The following PIGL variants were observed in gnomAD, a reference collection of about 807,000 sequenced individuals.
The protein encoded by PIGL is N-acetylglucosaminyl-phosphatidylinositol de-N-acetylase.
A neutral mutation model predicts 31.1 loss-of-function variants in PIGL; 22 were observed. The observed-to-expected ratio is 0.71, with a 90% CI of 0.51 to 1.01. PIGL has a LOEUF of 1.01. Among genes scored for constraint, PIGL ranks in the 50% least tolerant of loss-of-function variants. PIGL has a pLI of 0.00. For missense variants in PIGL, 302 were observed against 315.9 expected, an observed-to-expected ratio of 0.96 and a Z score of 0.33; for synonymous variants, 131 against 117.4, an observed-to-expected ratio of 1.12 and a Z score of -0.75.
intron 6 of PIGL, among the ~76,000 whole-genome samples, chr17:16,325,332 C>CAAAAAAAAAAA (rs55958956): frequency 2.9e-5 from 2 of 69,278 alleles, no homozygotes; most frequent in African/African-American, 5.8e-5. Flanking sequence ...GCAACAGGCT[C>CAAAAAAAAAAA]AAAAAAAAAA....
At chr17:16,233,758 AGAATTGT>A (rs1785951894) in intron 1 of PIGL, among the ~76,000 whole-genome samples, 2 of 152,290 alleles carry the variant, frequency 1.3e-5, no homozygotes, top group Non-Finnish European at 2.9e-5. Context: ...AAGATGGGAA[AGAATTGT>A]GAATGGTGAT....
chr17:16,259,926 G>A (rs1032264346), intron 2 of PIGL, among the ~76,000 whole-genome samples: 2 of 152,232 alleles, frequency 1.3e-5, no homozygotes, highest in African/African-American at 4.8e-5. Context: ...GCTCAAAAAT[G>A]CCTGCTCCCA....
At chr17:16,291,206 A>G (rs1272931619) in intron 2 of PIGL, among the ~76,000 whole-genome samples, 2 of 152,210 alleles carry the variant, frequency 1.3e-5, no homozygotes, top group Non-Finnish European at 2.9e-5. Flanking sequence ...TCCAACTGTG[A>G]AAAGAAGTAA....
chr17:16,295,354 G>A (rs2092976874), intron 2 of PIGL, among the ~76,000 whole-genome samples: 1 of 148,048 alleles, frequency 6.8e-6, no homozygotes, highest in Non-Finnish European at 1.5e-5. Context: ...AGTGAGCTGA[G>A]ATCATGCCAC....
chr17:16,274,357 G>T (rs1232727062), intron 2 of PIGL, among the ~76,000 whole-genome samples: 1 of 152,166 alleles, frequency 6.6e-6, no homozygotes, highest in Non-Finnish European at 1.5e-5. Context: ...AGAAAACATT[G>T]CTGTAGAACA....
At chr17:16,264,460 CTT>C (rs1224387749) in intron 2 of PIGL, among the ~76,000 whole-genome samples, 6 of 151,962 alleles carry the variant, frequency 3.9e-5, no homozygotes, top group African/African-American at 7.2e-5. Flanking sequence ...TAAATTGACT[CTT>C]AATACCAGAA....
chr17:16,315,939 G>C (rs893207770), intron 4 of PIGL, among the ~76,000 whole-genome samples: 1 of 151,652 alleles, frequency 6.6e-6, no homozygotes, highest in East Asian at 1.9e-4. Flanking sequence ...CTCGTGATCC[G>C]CTTGCCTCGG....
intron 2 of PIGL, among the ~76,000 whole-genome samples, chr17:16,295,974 GAA>G: frequency 6.6e-6 from 1 of 151,742 alleles, no homozygotes; most frequent in Non-Finnish European, 1.5e-5. Flanking sequence ...ATATTCAGGA[GAA>G]AAAATGAAAA....
intron 4 of PIGL, among the ~76,000 whole-genome samples, chr17:16,314,336 A>C (rs190356637): frequency 6.6e-6 from 1 of 152,310 alleles, no homozygotes; most frequent in East Asian, 1.9e-4. Flanking sequence ...CCTTCTTCTA[A>C]ACATGCTTAA....
chr17:16,270,289 C>CAAA (rs11415569), intron 2 of PIGL, among the ~76,000 whole-genome samples: 2 of 143,480 alleles, frequency 1.4e-5, no homozygotes, highest in Non-Finnish European at 1.5e-5. Context: ...AACTCCATGT[C>CAAA]AAAAAAAAAA....
intron 1 of PIGL, among the ~76,000 whole-genome samples, chr17:16,223,173 C>A (rs1262142572): frequency 6.6e-6 from 1 of 152,130 alleles, no homozygotes; most frequent in African/African-American, 2.4e-5. Flanking sequence ...TCCAGTATTC[C>A]TCCAATTTAT....
chr17:16,284,373 C>G (rs1399527966), intron 2 of PIGL, among the ~76,000 whole-genome samples: 1 of 152,194 alleles, frequency 6.6e-6, no homozygotes, highest in African/African-American at 2.4e-5. Flanking sequence ...CCGCACCCAG[C>G]CAGTTCATAG....
intron 2 of PIGL, among the ~76,000 whole-genome samples, chr17:16,265,087 G>A (rs560628907): frequency 5.9e-5 from 9 of 152,310 alleles, no homozygotes; most frequent in Non-Finnish European, 1.2e-4. Context: ...TGGCTGCAGA[G>A]TAGTGGTATT....
At chr17:16,275,918 A>ACGGG (rs1404088117) in intron 2 of PIGL, among the ~76,000 whole-genome samples, 3 of 151,996 alleles carry the variant, frequency 2.0e-5, no homozygotes, top group Non-Finnish European at 4.4e-5. Flanking sequence ...CAGCTACTCA[A>ACGGG]GAGGCTGCGG....
chr17:16,269,648 CAAAA>C (rs746630809), intron 2 of PIGL, among the ~76,000 whole-genome samples: 1 of 61,036 alleles, frequency 1.6e-5, no homozygotes, highest in Non-Finnish European at 3.5e-5. Context: ...GACTCCGTCT[CAAAA>C]AAAAAAAAAA....
intron 3 of PIGL, among the ~76,000 whole-genome samples, chr17:16,310,666 A>G (rs1400731137): frequency 6.6e-6 from 1 of 151,966 alleles, no homozygotes; most frequent in Non-Finnish European, 1.5e-5. Context: ...CCTCCCAAGT[A>G]GCTGGGATTA....
chr17:16,242,644 CTTTTTTTTTTTTT>C (rs35572629), intron 2 of PIGL, among the ~76,000 whole-genome samples: 1 of 79,044 alleles, frequency 1.3e-5, no homozygotes, highest in Non-Finnish European at 2.4e-5. Flanking sequence ...TTTCTGATTC[CTTTTTTTTTTTTT>C]TTTTTTTTTT....
intron 2 of PIGL, among the ~76,000 whole-genome samples, chr17:16,280,927 A>C (rs2092914286): frequency 6.6e-6 from 1 of 150,934 alleles, no homozygotes; most frequent in African/African-American, 2.4e-5. Context: ...CTGGTCTTGA[A>C]CTCCTGACCT....
chr17:16,249,068 A>G lies in PIGL; in HGVS notation c.335+14998A>G, dbSNP rs539555631. On this transcript the variant is annotated intron_variant, in intron 2 of 6. Coordinates refer to ENST00000225609, the MANE Select transcript of PIGL (RefSeq NM_004278.4). ...TATGGATTTATATAACCTCAATTGC[A>G]GTAGTCCTCCCTTATCCACAGTTTT... Among the ~76,000 whole-genome samples, 8 of 152,354 alleles carry G rather than the reference A, an allele frequency of 5.3e-5. No individual in the cohort carries two copies. In the South Asian group the frequency reaches 1.7e-3, roughly 32 times the overall value.
Sources: allele counts gnomAD v4.1 joint callset (sites outside exome capture counted in the v4.1 genomes callset), GRCh38; gene constraint gnomAD v4.1.1; transcripts MANE v1.5; gene names NCBI Gene and HGNC (gene_info 2026-07-23, HGNC 2026-07-21).